The following RORA variants were observed in gnomAD, a reference collection of about 807,000 sequenced individuals.
RORA encodes nuclear receptor ROR-alpha.
RORA carries 7 observed loss-of-function variants against 69.5 expected under a neutral mutation model. The ratio of observed to expected loss-of-function variants is 0.10; its 90% CI spans 0.06 to 0.19. The LOEUF is 0.19. Among genes scored for constraint, RORA ranks in the 10% least tolerant of loss-of-function variants. The pLI, the probability that RORA is intolerant of heterozygous loss-of-function variation, is 1.00. For synonymous variants in RORA, 261 were observed against 240.8 expected, an observed-to-expected ratio of 1.08 and a Z score of -0.78; for missense variants, 457 against 663.0, an observed-to-expected ratio of 0.69 and a Z score of 3.41.
intron 2 of RORA, among the ~76,000 whole-genome samples, chr15:60,544,515 CATT>C (rs927104893): frequency 3.3e-5 from 5 of 152,098 alleles, no homozygotes; most frequent in African/African-American, 1.2e-4. Flanking sequence ...TAGAAAATAA[CATT>C]ACTACTATGA....
chr15:61,103,952 T>C (rs977899927), intron 1 of RORA, among the ~76,000 whole-genome samples: 3 of 152,192 alleles, frequency 2.0e-5, no homozygotes, highest in Admixed American at 6.5e-5. Context: ...TCCCCTGATG[T>C]TCACACTTGG....
intron 2 of RORA, among the ~76,000 whole-genome samples, chr15:60,594,150 T>C (rs2068616445): frequency 6.6e-6 from 1 of 152,160 alleles, no homozygotes; most frequent in South Asian, 2.1e-4. Flanking sequence ...ACCCAAGACC[T>C]ACCCATGTTA....
chr15:61,089,381 T>G (rs946878669), intron 1 of RORA, among the ~76,000 whole-genome samples: 1 of 152,216 alleles, frequency 6.6e-6, no homozygotes, highest in Non-Finnish European at 1.5e-5. Context: ...CTCACAGATG[T>G]AGCTTTGTTC....
At chr15:60,789,510 G>C (rs2072385661) in intron 1 of RORA, among the ~76,000 whole-genome samples, 1 of 152,144 alleles carries the variant, frequency 6.6e-6, no homozygotes, top group South Asian at 2.1e-4. Flanking sequence ...CCCAGCACTG[G>C]GTCTGCATTG....
intron 1 of RORA, among the ~76,000 whole-genome samples, chr15:60,847,050 C>A (rs1358103034): frequency 6.6e-6 from 1 of 152,170 alleles, no homozygotes; most frequent in Non-Finnish European, 1.5e-5. Context: ...ATGGGTATAG[C>A]TTAAAAGTGC....
At chr15:60,876,244 A>G (rs1248770425) in intron 1 of RORA, among the ~76,000 whole-genome samples, 1 of 149,586 alleles carries the variant, frequency 6.7e-6, no homozygotes, top group African/African-American at 2.5e-5. Context: ...GTCTCCCCCA[A>G]CCAAAAAATG....
chr15:61,222,258 A>G (rs1409519231), intron 1 of RORA, among the ~76,000 whole-genome samples: 4 of 152,166 alleles, frequency 2.6e-5, no homozygotes, highest in Admixed American at 2.6e-4. Flanking sequence ...GGACAAAACC[A>G]TCACCAGGAA....
intron 1 of RORA, among the ~76,000 whole-genome samples, chr15:61,067,993 A>G (rs2078288818): frequency 6.6e-6 from 1 of 152,198 alleles, no homozygotes; most frequent in South Asian, 2.1e-4. Context: ...TTGGTCTTTG[A>G]TTCCAGCATC....
At chr15:61,084,245 A>C (rs761038020) in intron 1 of RORA, among the ~76,000 whole-genome samples, 1 of 152,218 alleles carries the variant, frequency 6.6e-6, no homozygotes, top group Non-Finnish European at 1.5e-5. Context: ...GGAAAGCACA[A>C]GATTCTTCTA....
At chr15:61,143,031 A>C (rs2079315086) in intron 1 of RORA, among the ~76,000 whole-genome samples, 1 of 152,172 alleles carries the variant, frequency 6.6e-6, no homozygotes, top group Non-Finnish European at 1.5e-5. Context: ...ATGAATAATA[A>C]AAATTAGAAA....
intron 1 of RORA, among the ~76,000 whole-genome samples, chr15:60,929,298 A>C (rs1436821871): frequency 6.6e-6 from 1 of 152,026 alleles, no homozygotes; most frequent in South Asian, 2.1e-4. Flanking sequence ...CCCCTATCAA[A>C]ATTTATCTTT....
chr15:60,786,672 G>A (rs1050410325), intron 1 of RORA, among the ~76,000 whole-genome samples: 7 of 152,208 alleles, frequency 4.6e-5, no homozygotes, highest in Non-Finnish European at 8.8e-5. Context: ...AGGAGCAAAG[G>A]GCCAGATCCT....
chr15:60,794,273 T>G (rs1350501502), intron 1 of RORA, among the ~76,000 whole-genome samples: 1 of 152,256 alleles, frequency 6.6e-6, no homozygotes, highest in African/African-American at 2.4e-5. Flanking sequence ...AGAGAAAGGC[T>G]GAATAATCTG....
Position 60,950,409 on chromosome 15 carries a change from T to C in RORA, c.167-271723A>G, listed in dbSNP as rs1420338948. On this transcript the variant is annotated intron_variant, in intron 1 of 10. Transcript: ENST00000335670. ...CGAGCAAAATAACCAGCTAACATCA[T>C]AATGACAGGATCAAATTCACACATA... Among the ~76,000 whole-genome samples the C allele has an allele frequency of 1.6e-4, 15 of 93,524 alleles. 1 individual carries two copies. Among genetic ancestry groups the C allele is most frequent in the African/African-American group, 5.5e-4 (14 of 25,240 alleles). 61.4% of individuals were successfully genotyped at this position (93,524 alleles called of 152,430 possible).
intron 1 of RORA, among the ~76,000 whole-genome samples, chr15:61,149,707 T>C (rs956222824): frequency 6.6e-6 from 1 of 152,206 alleles, no homozygotes; most frequent in Non-Finnish European, 1.5e-5. Flanking sequence ...TATTCTGGAA[T>C]AGCTATTTAT....
chr15:60,718,567 C>T (rs1451086368), intron 1 of RORA, among the ~76,000 whole-genome samples: 1 of 152,210 alleles, frequency 6.6e-6, no homozygotes, highest in Non-Finnish European at 1.5e-5. Flanking sequence ...CGGTTGTTAG[C>T]TAAATTTGAC....
intron 1 of RORA, among the ~76,000 whole-genome samples, chr15:60,997,826 G>A (rs944429394): frequency 3.9e-5 from 6 of 152,176 alleles, no homozygotes; most frequent in African/African-American, 1.4e-4. Flanking sequence ...GATTGGGCAA[G>A]TCATCTTTCT....
intron 1 of RORA, among the ~76,000 whole-genome samples, chr15:60,786,512 C>A (rs1378493028): frequency 6.6e-6 from 1 of 152,186 alleles, no homozygotes; most frequent in Non-Finnish European, 1.5e-5. Flanking sequence ...ACAGTCCAGG[C>A]AGGTGGGAAG....
intron 1 of RORA, among the ~76,000 whole-genome samples, chr15:60,999,663 G>A (rs1894684834): frequency 6.6e-6 from 1 of 152,168 alleles, no homozygotes; most frequent in Non-Finnish European, 1.5e-5. Flanking sequence ...ATCTGTCTGT[G>A]TGTGCTGGGG....
Sources: gnomAD v4.1 joint callset for allele counts (sites outside exome capture counted in the v4.1 genomes callset) on GRCh38, gnomAD v4.1.1 for gene constraint, MANE v1.5 for transcripts, NCBI Gene and HGNC (gene_info 2026-07-23, HGNC 2026-07-21) for gene names.